The following FHIT variants were observed in gnomAD, a reference collection of about 807,000 sequenced individuals.
FHIT encodes the protein fragile histidine triad diadenosine triphosphatase.
FHIT carries 19 observed loss-of-function variants against 17.9 expected under a neutral mutation model. The ratio of observed to expected loss-of-function variants is 1.06; its 90% CI spans 0.74 to 1.56. The LOEUF is 1.56. FHIT is among the 40% of genes most tolerant of loss of function. FHIT has a pLI of 0.00. For missense variants in FHIT, 248 were observed against 189.2 expected, an observed-to-expected ratio of 1.31 and a Z score of -1.82; for synonymous variants, 81 against 69.7, an observed-to-expected ratio of 1.16 and a Z score of -0.81.
chr3:60,932,217 T>C (rs1707991494), intron 3 of FHIT, among the ~76,000 whole-genome samples: 1 of 152,180 alleles, frequency 6.6e-6, no homozygotes, highest in African/African-American at 2.4e-5. Context: ...AGGTAGGTAT[T>C]ACTATGCACA....
At chr3:60,295,289 A>G (rs1396533265) in intron 5 of FHIT, among the ~76,000 whole-genome samples, 1 of 152,112 alleles carries the variant, frequency 6.6e-6, no homozygotes, top group African/African-American at 2.4e-5. Context: ...GAAGACCTGA[A>G]ACTGGGTAAC....
intron 3 of FHIT, among the ~76,000 whole-genome samples, chr3:60,884,614 T>C (rs1407620478): frequency 1.3e-5 from 2 of 152,132 alleles, no homozygotes; most frequent in East Asian, 3.9e-4. Flanking sequence ...TGGAGGTCAT[T>C]ATTTTTATGT....
chr3:60,654,090 C>T lies in FHIT; in HGVS notation c.-17-117111G>A, dbSNP rs2040060494. ...TTCCCCACTCTCTCTCCCTCTTGCT[C>T]CTGTCTTCGTCACATTATGTGCCTA... On this transcript the variant is annotated intron_variant, in intron 4 of 9. Coordinates refer to ENST00000492590, the MANE Select transcript of FHIT (RefSeq NM_002012.4). 2.1e-5 allele frequency among the ~76,000 whole-genome samples: 3 copies of T among 142,622 alleles called. No homozygotes were observed. The South Asian group carries it at 7.1e-4, about 34-fold the overall frequency. 93.6% of individuals were successfully genotyped at this position (142,622 alleles called of 152,430 possible).
intron 2 of FHIT, among the ~76,000 whole-genome samples, chr3:61,116,415 C>T (rs1015753431): frequency 1.3e-5 from 2 of 152,084 alleles, no homozygotes; most frequent in African/African-American, 2.4e-5. Context: ...GCTTTGCATG[C>T]AGGGTTGAAC....
intron 7 of FHIT, among the ~76,000 whole-genome samples, chr3:59,992,276 A>G (rs1004538949): frequency 3.3e-5 from 5 of 152,046 alleles, no homozygotes; most frequent in Non-Finnish European, 5.9e-5. Flanking sequence ...TTTAAGACAT[A>G]TATTTGTCCT....
intron 1 of FHIT, among the ~76,000 whole-genome samples, chr3:61,206,610 C>T (rs1466330066): frequency 6.6e-6 from 1 of 152,178 alleles, no homozygotes; most frequent in African/African-American, 2.4e-5. Flanking sequence ...CATGATTTCA[C>T]TCTCTGTTTG....
chr3:60,578,845 T>G (rs774049012), intron 4 of FHIT, among the ~76,000 whole-genome samples: 7 of 152,128 alleles, frequency 4.6e-5, no homozygotes, highest in Non-Finnish European at 5.9e-5. Context: ...CATTTCCCAA[T>G]TTTATTCTTT....
intron 2 of FHIT, among the ~76,000 whole-genome samples, chr3:61,196,250 T>C (rs1168954538): frequency 6.6e-6 from 1 of 152,200 alleles, no homozygotes; most frequent in Admixed American, 6.5e-5. Flanking sequence ...GCATAGATGT[T>C]GCAGTTTTTA....
At chr3:59,764,798 A>G (rs188390114) in intron 8 of FHIT, among the ~76,000 whole-genome samples, 98 of 148,830 alleles carry the variant, frequency 6.6e-4, no homozygotes, top group Non-Finnish European at 1.3e-3. Flanking sequence ...TGTTCATTTT[A>G]TATGCCCTAT....
chr3:60,174,798 C>T (rs1701592406), intron 5 of FHIT, among the ~76,000 whole-genome samples: 1 of 151,920 alleles, frequency 6.6e-6, no homozygotes, highest in Admixed American at 6.6e-5. Flanking sequence ...AACGCCATGC[C>T]CACTCAGCAG....
intron 4 of FHIT, among the ~76,000 whole-genome samples, chr3:60,796,087 A>G (rs993616727): frequency 6.6e-6 from 1 of 152,174 alleles, no homozygotes; most frequent in Admixed American, 6.5e-5. Context: ...AACCCATCAG[A>G]TCACGTAAGA....
intron 5 of FHIT, among the ~76,000 whole-genome samples, chr3:60,120,034 C>T (rs1705175481): frequency 6.6e-6 from 1 of 152,170 alleles, no homozygotes; most frequent in Non-Finnish European, 1.5e-5. Context: ...ATTCCTGAAG[C>T]TTACGGCACT....
At position 61,238,303 on chromosome 3, in the gene FHIT, A is replaced by T. The variant is rs72881709; in HGVS notation, c.-213+12998T>A. Among the ~76,000 whole-genome samples, 1,340 of 152,282 alleles carry T rather than the reference A, an allele frequency of 8.8e-3. 16 individuals are homozygous for T. The highest frequency in any genetic ancestry group is 0.03 in the African/African-American group (1,237 of 41,554). ...CAAGACTCAGCTAACCAGAGAAATG[A>T]CTTACAATCAGTAACAGAAGATGGC... On this transcript the variant is annotated intron_variant, in intron 1 of 9. Transcript: ENST00000492590.
Position 59,935,233 on chromosome 3 carries a change from G to A in FHIT, c.280-12819C>T, listed in dbSNP as rs182746737. Among the ~76,000 whole-genome samples the A allele has an allele frequency of 2.2e-3, 330 of 152,286 alleles. 2 individuals carry two copies. The highest frequency in any genetic ancestry group is 7.5e-3 in the African/African-American group (313 of 41,558). On this transcript the variant is annotated intron_variant, in intron 7 of 9. Coordinates refer to ENST00000492590, the MANE Select transcript of FHIT (RefSeq NM_002012.4). ...ATGAAAGTTTCAAAATGACTTTTAGGAGATACAGAGGATGTTTCAAGATTT... is the reference window on the plus strand; with the variant it reads ...ATGAAAGTTTCAAAATGACTTTTAGAAGATACAGAGGATGTTTCAAGATTT...
intron 5 of FHIT, among the ~76,000 whole-genome samples, chr3:60,201,496 G>A (rs1191611270): frequency 6.6e-6 from 1 of 151,986 alleles, no homozygotes; most frequent in Admixed American, 6.6e-5. Context: ...GCTACACTGG[G>A]TAGATAATCA....
chr3:60,334,117 A>T (rs1428423524), intron 5 of FHIT, among the ~76,000 whole-genome samples: 1 of 152,186 alleles, frequency 6.6e-6, no homozygotes, highest in Non-Finnish European at 1.5e-5. Context: ...TTTCTATGAA[A>T]CAAATGGAAG....
intron 5 of FHIT, among the ~76,000 whole-genome samples, chr3:60,073,901 C>T (rs1293040255): frequency 6.6e-6 from 1 of 152,118 alleles, no homozygotes. Flanking sequence ...CCCTGTATTT[C>T]CCACTGAAGT....
At chr3:59,815,282 G>T (rs1410391938) in intron 8 of FHIT, among the ~76,000 whole-genome samples, 1 of 152,126 alleles carries the variant, frequency 6.6e-6, no homozygotes, top group Non-Finnish European at 1.5e-5. Flanking sequence ...AGCCTGGTGG[G>T]AATGTCAACT....
chr3:59,868,536 T>C (rs1702763333), intron 8 of FHIT, among the ~76,000 whole-genome samples: 1 of 152,262 alleles, frequency 6.6e-6, no homozygotes, highest in Non-Finnish European at 1.5e-5. Context: ...AGTCAGTTTA[T>C]GTTCCTTGAG....
Sources: gnomAD v4.1 joint callset for allele counts (sites outside exome capture counted in the v4.1 genomes callset) on GRCh38, gnomAD v4.1.1 for gene constraint, MANE v1.5 for transcripts, NCBI Gene and HGNC (gene_info 2026-07-23, HGNC 2026-07-21) for gene names.